SLC13A1: variants seen among roughly 807,000 people sequenced by gnomAD.
SLC13A1 encodes the protein solute carrier family 13 member 1, also known as Na(+)/sulfate cotransporter.
Under a neutral mutation model 70.0 loss-of-function variants are expected in SLC13A1, and 65 were observed. The ratio of observed to expected loss-of-function variants is 0.93; its 90% CI spans 0.76 to 1.14. The LOEUF is 1.14. SLC13A1 is among the 50% of genes most tolerant of loss of function. The pLI, the probability that SLC13A1 is intolerant of heterozygous loss-of-function variation, is 0.00. For synonymous variants in SLC13A1, 275 were observed against 250.5 expected, an observed-to-expected ratio of 1.10 and a Z score of -0.92; for missense variants, 726 against 717.8, an observed-to-expected ratio of 1.01 and a Z score of -0.13.
chr7:123,169,214 C>T lies in SLC13A1; in HGVS notation c.487G>A (p.Ala163Thr), dbSNP rs771760872. Reference protein sequence around the residue: ...AVVQQIINAEAEVEATQMTYF... With the variant: ...AVVQQIINAETEVEATQMTYF... ...GTCATCTGAGTGGCCTCGACCTCTG[C>T]TTCTGCATTGATGATCTGCTGCACT... Residue 163 changes from alanine (A) to threonine (T), a missense_variant, in exon 4 of 15, where the codon GCA becomes ACA. By Grantham distance (58) the Ala-to-Thr change is moderately conservative (BLOSUM62 0). Transcript: ENST00000194130. The T allele has an allele frequency of 6.2e-7, 1 of 1,614,060 alleles. No individual in the cohort carries two copies. The highest frequency in any genetic ancestry group is 8.5e-7 in the Non-Finnish European group (1 of 1,179,980).
rs1793679787 is a variant in SLC13A1 at position 123,129,395 on chromosome 7, A to G, written c.1019T>C (p.Leu340Pro). 6.3e-7 allele frequency: 1 copy of G among 1,583,950 alleles called. No individual in the cohort carries two copies. Among genetic ancestry groups the G allele is most frequent in the Non-Finnish European group, 8.6e-7 (1 of 1,168,532 alleles). ...GTGTTTGTCTTACCTTATTGGCCCA[A>G]GCTTTTGGTATTCTTGCTTAATCAC... ...AEVIKQEYQK[L>P]GPIRYQEIVT... Residue 340 changes from leucine (L) to proline (P), a missense_variant, in exon 9 of 15, where the codon CTT becomes CCT. Physicochemically the swap from Leu to Pro is moderately conservative, Grantham distance 98. Transcript: ENST00000194130.
rs945288750 is a variant in SLC13A1 at position 123,113,993 on chromosome 7, A to T, written c.*1525T>A. 2 of 149,078 alleles carry T rather than the reference A, an allele frequency of 1.3e-5. No individual in the cohort carries two copies. The highest frequency in any genetic ancestry group is 4.9e-5 in the African/African-American group (2 of 40,546). 9.2% of individuals were successfully genotyped at this position (149,078 alleles called of 1,614,324 possible). A position where few individuals can be genotyped will look rare whatever the true frequency, so the allele number is the denominator to read the frequency against. Reference sequence around the variant, plus strand: ...ATAGCAAAGGTTTGGCTGAGGCAGGAGAATGGCGTGAACCTGGGAGGCGGA... The same window carrying T: ...ATAGCAAAGGTTTGGCTGAGGCAGGTGAATGGCGTGAACCTGGGAGGCGGA... On this transcript the variant is annotated 3_prime_UTR_variant, in exon 15 of 15. Coordinates refer to ENST00000194130, the MANE Select transcript of SLC13A1 (RefSeq NM_022444.4).
chr7:123,150,845 C>T (rs1794529811), intron 6 of SLC13A1, among the ~76,000 whole-genome samples: 1 of 152,050 alleles, frequency 6.6e-6, no homozygotes, highest in South Asian at 2.1e-4. Flanking sequence ...TTTTGCCTTC[C>T]ATCCTTCCTT....
intron 1 of SLC13A1, among the ~76,000 whole-genome samples, chr7:123,191,519 A>G (rs1563358043): frequency 6.6e-6 from 1 of 152,090 alleles, no homozygotes; most frequent in Non-Finnish European, 1.5e-5. Flanking sequence ...GGAAGGGAGG[A>G]TCCTAATTGT....
intron 1 of SLC13A1, among the ~76,000 whole-genome samples, chr7:123,182,262 A>C (rs1795664207): frequency 6.6e-6 from 1 of 152,174 alleles, no homozygotes; most frequent in Non-Finnish European, 1.5e-5. Flanking sequence ...AAATGCCAGC[A>C]TGGAAGAAAG....
intron 1 of SLC13A1, among the ~76,000 whole-genome samples, chr7:123,195,226 AT>A (rs778814029): frequency 6.6e-6 from 1 of 151,746 alleles, no homozygotes; most frequent in East Asian, 1.9e-4. Context: ...CATTATTTCT[AT>A]TTTTTTCCTT....
chr7:123,143,020 G>A (rs143387834), intron 7 of SLC13A1, among the ~76,000 whole-genome samples: 6 of 152,120 alleles, frequency 3.9e-5, no homozygotes, highest in South Asian at 2.1e-4. Flanking sequence ...TAGAAATGTC[G>A]TCCTAAAGCT....
At position 123,133,300 on chromosome 7, in the gene SLC13A1, A is replaced by G. The variant is rs1014041904; in HGVS notation, c.932+1110T>C. Among the ~76,000 whole-genome samples, 5 of 152,114 alleles carry G rather than the reference A, an allele frequency of 3.3e-5. No homozygotes were observed. The South Asian group carries it at 1.0e-3, about 32-fold the overall frequency. ...TCCTCAGATCTTTATTGTACTTGGT[A>G]TATTGAAAGGGATGTCAATTTTGGT... On this transcript the variant is annotated intron_variant, in intron 8 of 14. Transcript: ENST00000194130.
chr7:123,128,702 T>G, intron 10 of SLC13A1, 143 bp downstream of exon 10: 1 of 621,902 alleles, frequency 1.6e-6, no homozygotes, highest in Non-Finnish European at 2.8e-6. Flanking sequence ...ATTTTTTTCC[T>G]GAAAAGATTA....
In SLC13A1 at chr7:123,181,180, T is replaced by C. The variant is rs1395922796; in HGVS notation, c.100-79A>G. The stretch of plus-strand genomic sequence containing the variant: ...ACATTCAAACACAAACATGTTTGCT[T>C]AATAGAGCCATGTCACAGAGAACGT... On this transcript the variant is annotated intron_variant, in intron 1 of 14. Transcript: ENST00000194130. The C allele has an allele frequency of 3.4e-6, 5 of 1,458,210 alleles. No homozygotes were observed. In the African/African-American group the frequency reaches 7.1e-5, roughly 21 times the overall value. 90.3% of individuals were successfully genotyped at this position (1,458,210 alleles called of 1,614,324 possible).
intron 3 of SLC13A1, 101 bp downstream of exon 3, chr7:123,171,667 A>G: frequency 8.4e-7 from 1 of 1,190,418 alleles, no homozygotes; most frequent in Non-Finnish European, 1.2e-6. Context: ...AGACTGTGAT[A>G]CAAAGAATTT....
intron 6 of SLC13A1, among the ~76,000 whole-genome samples, chr7:123,157,678 A>G (rs2116478898): frequency 6.6e-6 from 1 of 152,246 alleles, no homozygotes; most frequent in Middle Eastern, 3.4e-3. Context: ...TTTTCTATCC[A>G]GCAGCATGAC....
At chr7:123,118,793 A>G (rs1015505957) in intron 13 of SLC13A1, among the ~76,000 whole-genome samples, 1 of 152,148 alleles carries the variant, frequency 6.6e-6, no homozygotes, top group Non-Finnish European at 1.5e-5. Flanking sequence ...TTACATCTGA[A>G]ATGGATCTAG....
chr7:123,119,283 T>G, intron 12 of SLC13A1, 41 bp from the exon 13 acceptor site: 1 of 1,324,558 alleles, frequency 7.5e-7, no homozygotes. Flanking sequence ...CATGAATAAT[T>G]CTTTGTAATC....
chr7:123,134,414 A>G lies in SLC13A1; in HGVS notation c.928T>C (p.Phe310Leu), dbSNP rs1793879698. 1.2e-6 allele frequency: 2 copies of G among 1,612,836 alleles called. No individual in the cohort carries two copies. The change falls in exon 8 of 15, where the codon TTC (phenylalanine) becomes CTC (leucine). Residue 310 changes from phenylalanine to leucine, a missense_variant. Coordinates refer to ENST00000194130, the MANE Select transcript of SLC13A1 (RefSeq NM_022444.4). Reference protein sequence around the residue: ...WIWLQWLFLGFNFKEMFKCGK... With the variant: ...WIWLQWLFLGLNFKEMFKCGK... ...TAACATGAAATATTTACTTACTTGA[A>G]TCCTAGGAAAAGCCACTGAAGCCAG... is the stretch of plus-strand genomic sequence containing the variant.
At position 123,147,189 on chromosome 7, in the gene SLC13A1, G is replaced by A; in HGVS notation, c.782C>T (p.Thr261Ile). The A allele has an allele frequency of 1.9e-6, 3 of 1,613,652 alleles. No homozygotes were observed. The highest frequency in any genetic ancestry group is 2.5e-6 in the Non-Finnish European group (3 of 1,179,780). Reference protein sequence around the residue: ...GGLTTITGTSTNLIFAEYFNT... With the variant: ...GGLTTITGTSINLIFAEYFNT... ...GAAATACTCTGCAAAGATCAAGTTGGTGGAGGTACCAGTGATTGTTGTCAG... is the reference window on the plus strand; with the variant it reads ...GAAATACTCTGCAAAGATCAAGTTGATGGAGGTACCAGTGATTGTTGTCAG... The change falls in exon 7 of 15, where the codon ACC becomes ATC. Residue 261 changes from threonine to isoleucine, a missense_variant. Physicochemically the swap from Thr to Ile is moderately conservative, Grantham distance 89. Transcript: ENST00000194130.
chr7:123,168,249 C>T, intron 6 of SLC13A1, 125 bp downstream of exon 6: 1 of 633,094 alleles, frequency 1.6e-6, no homozygotes, highest in Non-Finnish European at 2.8e-6. Context: ...CATGCTACTG[C>T]TTAGTCAAGC....
At chr7:123,175,679 G>C (rs1354765502) in intron 2 of SLC13A1, among the ~76,000 whole-genome samples, 1 of 152,086 alleles carries the variant, frequency 6.6e-6, no homozygotes, top group Non-Finnish European at 1.5e-5. Context: ...CCAGAACTGT[G>C]AGCAATAAAT....
At chr7:123,159,898 G>A (rs941900312) in intron 6 of SLC13A1, among the ~76,000 whole-genome samples, 9 of 152,044 alleles carry the variant, frequency 5.9e-5, no homozygotes, top group African/African-American at 2.2e-4. Flanking sequence ...GAAAGTGAAA[G>A]GATAGAGGAA....
Sources: allele counts gnomAD v4.1 joint callset (sites outside exome capture counted in the v4.1 genomes callset), GRCh38; gene constraint gnomAD v4.1.1; transcripts MANE v1.5; gene names NCBI Gene and HGNC (gene_info 2026-07-23, HGNC 2026-07-21).